Variants in FHIP1A observed in about 807,000 individuals in gnomAD.
The protein encoded by FHIP1A is FHF complex subunit HOOK-interacting protein 1A.
In FHIP1A, 61 loss-of-function variants were observed where a neutral mutation model predicts 88.6. The ratio of observed to expected loss-of-function variants is 0.69; its 90% CI spans 0.56 to 0.85. The LOEUF is 0.85. Among genes scored for constraint, FHIP1A ranks in the 40% least tolerant of loss-of-function variants. FHIP1A has a pLI of 0.00. For missense variants in FHIP1A, 1,154 were observed against 1,273.5 expected, an observed-to-expected ratio of 0.91 and a Z score of 1.43; for synonymous variants, 478 against 496.0, an observed-to-expected ratio of 0.96 and a Z score of 0.48.
intron 13 of FHIP1A, among the ~76,000 whole-genome samples, chr4:151,659,510 G>A (rs936576519): frequency 6.6e-5 from 10 of 152,124 alleles, no homozygotes; most frequent in Admixed American, 3.9e-4. Context: ...CTGCTGCCAG[G>A]GAGATGAACA....
At position 151,632,579 on chromosome 4, in the gene FHIP1A, G is replaced by C. The variant is rs113123080; in HGVS notation, c.1146+2710G>C. Among the ~76,000 whole-genome samples the C allele has an allele frequency of 8.5e-5, 13 of 152,142 alleles. 2 individuals are homozygous for C. Among genetic ancestry groups the C allele is most frequent in the African/African-American group, 2.9e-4 (12 of 41,532 alleles). The stretch of plus-strand genomic sequence containing the variant: ...GAACATTCTCCAGGATAGACCACTT[G>C]TTAGGTCACAAAACAAAGTTTAACA... On this transcript the variant is annotated intron_variant, in intron 8 of 13. Coordinates refer to ENST00000435205, the MANE Select transcript of FHIP1A (RefSeq NM_001109977.3).
intron 1 of FHIP1A, among the ~76,000 whole-genome samples, chr4:151,437,366 A>G (rs774313436): frequency 1.2e-4 from 18 of 152,130 alleles, no homozygotes; most frequent in Non-Finnish European, 2.4e-4. Context: ...AATGTTGAAT[A>G]TAAGAGCCAA....
intron 3 of FHIP1A, among the ~76,000 whole-genome samples, chr4:151,526,955 C>G (rs1731687871): frequency 6.6e-6 from 1 of 151,600 alleles, no homozygotes; most frequent in Admixed American, 6.6e-5. Context: ...TCCTCACTTC[C>G]CAGATGGGAT....
intron 1 of FHIP1A, among the ~76,000 whole-genome samples, chr4:151,411,060 G>T (rs1732619312): frequency 6.6e-6 from 1 of 152,128 alleles, no homozygotes; most frequent in African/African-American, 2.4e-5. Flanking sequence ...CTTTTTTCTT[G>T]GCTCTCATAT....
intron 11 of FHIP1A, among the ~76,000 whole-genome samples, chr4:151,650,894 T>G (rs1737006591): frequency 6.6e-6 from 1 of 152,246 alleles, no homozygotes; most frequent in Admixed American, 6.5e-5. Context: ...TCTTATTTAA[T>G]GACTTCATTT....
intron 7 of FHIP1A, among the ~76,000 whole-genome samples, chr4:151,601,046 C>G (rs1318906420): frequency 6.6e-6 from 1 of 152,048 alleles, no homozygotes; most frequent in African/African-American, 2.4e-5. Flanking sequence ...AGTTGCCACC[C>G]CTAAGTCTGA....
intron 2 of FHIP1A, among the ~76,000 whole-genome samples, chr4:151,476,332 CG>C (rs1729703767): frequency 6.6e-6 from 1 of 151,320 alleles, no homozygotes. Flanking sequence ...TTTTTTTTGT[CG>C]AGACGAAGTC....
intron 7 of FHIP1A, among the ~76,000 whole-genome samples, chr4:151,598,924 G>C (rs1241632268): frequency 6.6e-6 from 1 of 152,126 alleles, no homozygotes; most frequent in Admixed American, 6.5e-5. Flanking sequence ...GTTAATATTT[G>C]TATGTTGTGT....
At chr4:151,499,967 C>G (rs1038300740) in intron 3 of FHIP1A, among the ~76,000 whole-genome samples, 2 of 152,130 alleles carry the variant, frequency 1.3e-5, no homozygotes, top group Admixed American at 1.3e-4. Flanking sequence ...ATATGAGTCC[C>G]CCTCCATTCT....
At chr4:151,655,095 T>C (rs1420460402) in intron 11 of FHIP1A, among the ~76,000 whole-genome samples, 1 of 152,222 alleles carries the variant, frequency 6.6e-6, no homozygotes, top group Non-Finnish European at 1.5e-5. Context: ...AGGAAGCATC[T>C]TGTGATGAAG....
intron 2 of FHIP1A, among the ~76,000 whole-genome samples, chr4:151,460,171 A>C (rs1481473646): frequency 6.6e-6 from 1 of 152,186 alleles, no homozygotes; most frequent in African/African-American, 2.4e-5. Flanking sequence ...AAATGTGGGT[A>C]AATTTTTAAT....
rs1734759422 is a variant in FHIP1A, at chr4:151,599,072, T to A, written c.978+10146T>A. ...TACACATGGTCTCCAGGGTTTGAGA[T>A]AAGGGATTGGAAGCCTATTTTGGAC... On this transcript the variant is annotated intron_variant, in intron 7 of 13. Coordinates refer to ENST00000435205, the MANE Select transcript of FHIP1A (RefSeq NM_001109977.3). Among the ~76,000 whole-genome samples the A allele has an allele frequency of 3.3e-5, 5 of 152,238 alleles. No individual in the cohort carries two copies. The South Asian group carries it at 8.3e-4, about 25-fold the overall frequency.
intron 2 of FHIP1A, among the ~76,000 whole-genome samples, chr4:151,467,764 T>A (rs1029795556): frequency 1.3e-5 from 2 of 151,812 alleles, no homozygotes; most frequent in African/African-American, 2.4e-5. Flanking sequence ...TCAATTATAA[T>A]TGGGTGTTGA....
intron 5 of FHIP1A, among the ~76,000 whole-genome samples, chr4:151,578,500 A>G (rs951628476): frequency 9.9e-5 from 15 of 152,180 alleles, no homozygotes; most frequent in African/African-American, 3.6e-4. Context: ...CAAGAAAATG[A>G]CCACTAGTTT....
intron 11 of FHIP1A, among the ~76,000 whole-genome samples, chr4:151,650,990 T>C (rs1400093535): frequency 6.6e-6 from 1 of 152,212 alleles, no homozygotes; most frequent in East Asian, 1.9e-4. Flanking sequence ...GTAGAATGTA[T>C]GCTCTGTGAG....
chr4:151,591,162 TCTC>T (rs1734411713), intron 7 of FHIP1A, among the ~76,000 whole-genome samples: 1 of 151,806 alleles, frequency 6.6e-6, no homozygotes, highest in South Asian at 2.1e-4. Context: ...GAGAACAGCC[TCTC>T]CTCTGGCTCT....
intron 7 of FHIP1A, among the ~76,000 whole-genome samples, chr4:151,591,821 G>A (rs570574809): frequency 6.6e-6 from 1 of 152,150 alleles, no homozygotes; most frequent in African/African-American, 2.4e-5. Context: ...GTATTCCATG[G>A]TGTATTCCAT....
chr4:151,484,648 T>C (rs759414827), intron 3 of FHIP1A, among the ~76,000 whole-genome samples: 5 of 152,192 alleles, frequency 3.3e-5, no homozygotes, highest in Non-Finnish European at 7.3e-5. Context: ...TTGAAGACAG[T>C]ATGATGCAAA....
intron 11 of FHIP1A, among the ~76,000 whole-genome samples, chr4:151,653,232 G>C (rs1193632038): frequency 6.6e-6 from 1 of 152,184 alleles, no homozygotes; most frequent in Non-Finnish European, 1.5e-5. Context: ...AGACTGACTT[G>C]CTTGTGCAAC....
Sources: gnomAD v4.1 joint callset for allele counts (sites outside exome capture counted in the v4.1 genomes callset) on GRCh38, gnomAD v4.1.1 for gene constraint, MANE v1.5 for transcripts, NCBI Gene and HGNC (gene_info 2026-07-23, HGNC 2026-07-21) for gene names.